PPM1H: variants seen among roughly 807,000 people sequenced by gnomAD.
PPM1H encodes protein phosphatase, Mg2+/Mn2+ dependent 1H.
PPM1H carries 27 observed loss-of-function variants against 54.9 expected under a neutral mutation model. The observed-to-expected ratio is 0.49, with a 90% confidence interval of 0.36 to 0.68. The LOEUF is 0.68. Ranked by LOEUF, PPM1H falls within the 30% of genes least tolerant of loss-of-function variation. The pLI is 0.00. For missense variants in PPM1H, 596 were observed against 667.8 expected (o/e 0.89, Z 1.19); for synonymous variants, 305 against 270.8 (o/e 1.13, Z -1.24).
chr12:62,683,084 A>ATTT (rs1045132161), intron 8 of PPM1H, among the ~76,000 whole-genome samples: 4 of 124,322 alleles, frequency 3.2e-5, no homozygotes, highest in East Asian at 2.3e-4. Flanking sequence ...TATTATTATT[A>ATTT]TTTTTGTAGA....
At chr12:62,696,720 C>T (rs1333192793) in intron 6 of PPM1H, among the ~76,000 whole-genome samples, 3 of 152,184 alleles carry the variant, frequency 2.0e-5, no homozygotes, top group African/African-American at 7.2e-5. Flanking sequence ...TCTGTGCTGA[C>T]TTATAGTATC....
chr12:62,710,831 G>C (rs943084975), intron 6 of PPM1H, among the ~76,000 whole-genome samples: 2 of 152,180 alleles, frequency 1.3e-5, no homozygotes, highest in African/African-American at 4.8e-5. Context: ...TTCAGCAACA[G>C]ACTGTAGACC....
chr12:62,920,894 C>T (rs1871775687), intron 1 of PPM1H, among the ~76,000 whole-genome samples: 1 of 152,116 alleles, frequency 6.6e-6, no homozygotes, highest in East Asian at 1.9e-4. Context: ...ACTCAATAAT[C>T]TATAGCATTT....
chr12:62,713,659 C>A (rs1183940965), intron 6 of PPM1H, among the ~76,000 whole-genome samples: 1 of 152,120 alleles, frequency 6.6e-6, no homozygotes, highest in East Asian at 1.9e-4. Context: ...TTATCAGTAC[C>A]CATCCCACCT....
At chr12:62,901,068 A>G (rs1157973778) in intron 1 of PPM1H, among the ~76,000 whole-genome samples, 1 of 152,214 alleles carries the variant, frequency 6.6e-6, no homozygotes, top group Middle Eastern at 3.2e-3. Context: ...ATCCGCCTCT[A>G]TTTCCATGTA....
intron 4 of PPM1H, among the ~76,000 whole-genome samples, chr12:62,763,646 A>C (rs1248848548): frequency 1.3e-5 from 2 of 152,342 alleles, no homozygotes; most frequent in African/African-American, 2.4e-5. Context: ...GTGACTCTAA[A>C]ACTTATTGCA....
chr12:62,659,269 C>CAAA lies in PPM1H; in HGVS notation c.1397+7906_1397+7908dup, dbSNP rs11349692. On this transcript the variant is annotated intron_variant, in intron 9 of 9. Transcript: ENST00000228705. ...GTGTTCTAAAAAACCGTAAAAACTG[C>CAAA]AAAAAAAAAAAAAAAAAAAAAAGAG... The CAAA allele has an allele frequency of 4.9e-3, 444 of 91,298 alleles. 2 individuals are homozygous for CAAA. The highest frequency in any genetic ancestry group is 6.4e-3 in the South Asian group (25 of 3,916). 5.7% of individuals were successfully genotyped at this position (91,298 alleles called of 1,614,324 possible). A position where few individuals can be genotyped will look rare whatever the true frequency, so the allele number is the denominator to read the frequency against.
At chr12:62,672,852 G>T (rs1321035180) in intron 8 of PPM1H, among the ~76,000 whole-genome samples, 3 of 152,118 alleles carry the variant, frequency 2.0e-5, no homozygotes, top group Non-Finnish European at 2.9e-5. Flanking sequence ...TCCTCTGTGG[G>T]TCTAGCAGCA....
intron 1 of PPM1H, among the ~76,000 whole-genome samples, chr12:62,918,653 T>C (rs1372326990): frequency 6.6e-6 from 1 of 152,216 alleles, no homozygotes; most frequent in African/African-American, 2.4e-5. Flanking sequence ...AGCAAAGATT[T>C]ACCTACAAGG....
At chr12:62,753,565 C>T (rs1386412973) in intron 4 of PPM1H, among the ~76,000 whole-genome samples, 1 of 152,236 alleles carries the variant, frequency 6.6e-6, no homozygotes, top group Non-Finnish European at 1.5e-5. Flanking sequence ...CAGTGGGCTT[C>T]ACTCTTGCAT....
intron 1 of PPM1H, among the ~76,000 whole-genome samples, chr12:62,872,462 T>C (rs1303933797): frequency 6.6e-6 from 1 of 152,242 alleles, no homozygotes; most frequent in Non-Finnish European, 1.5e-5. Context: ...ATGGCATTTT[T>C]TTCACTAAGA....
At chr12:62,679,568 A>G (rs2136626324) in intron 8 of PPM1H, among the ~76,000 whole-genome samples, 1 of 152,324 alleles carries the variant, frequency 6.6e-6, no homozygotes, top group Middle Eastern at 3.4e-3. Flanking sequence ...TCAAGAATGC[A>G]AAAGTAATTA....
intron 4 of PPM1H, among the ~76,000 whole-genome samples, chr12:62,786,858 A>C (rs2076674891): frequency 2.0e-5 from 3 of 152,236 alleles, no homozygotes; most frequent in Admixed American, 2.0e-4. Flanking sequence ...CATGTATTAC[A>C]CACTTCTCCA....
At position 62,759,209 on chromosome 12, in the gene PPM1H, G is replaced by A. The variant is rs117072472; in HGVS notation, c.870-21623C>T. On this transcript the variant is annotated intron_variant, in intron 4 of 9. Coordinates refer to ENST00000228705, the MANE Select transcript of PPM1H (RefSeq NM_020700.2). ...CACACGAACACGTGAGACATTTGGTGCCGAAGACTCGGGTAAGTGGGACTC... is the reference window on the plus strand; with the variant it reads ...CACACGAACACGTGAGACATTTGGTACCGAAGACTCGGGTAAGTGGGACTC... 2.0e-5 allele frequency among the ~76,000 whole-genome samples: 3 copies of A among 152,296 alleles called. No individual in the cohort carries two copies. The East Asian group carries it at 5.8e-4, about 29-fold the overall frequency.
At position 62,658,182 on chromosome 12, in the gene PPM1H, A is replaced by ATTTTTTTTTTTTT. The variant is rs1173229360; in HGVS notation, c.1397+8983_1397+8995dup. ...GAGACCAGCCTGGGTAACACGGTGA[A>ATTTTTTTTTTTTT]TTTTTTTTTTTTTTTTTTTTTTTTT... On this transcript the variant is annotated intron_variant, in intron 9 of 9. Transcript: ENST00000228705. Among the ~76,000 whole-genome samples the ATTTTTTTTTTTTT allele has an allele frequency of 4.3e-4, 38 of 87,530 alleles. 1 individual carries two copies. Among genetic ancestry groups the ATTTTTTTTTTTTT allele is most frequent in the African/African-American group, 1.6e-3 (35 of 22,350 alleles). 57.4% of individuals were successfully genotyped at this position (87,530 alleles called of 152,430 possible).
intron 1 of PPM1H, among the ~76,000 whole-genome samples, chr12:62,874,497 C>CT (rs1870093482): frequency 7.1e-6 from 1 of 141,164 alleles, no homozygotes; most frequent in African/African-American, 2.9e-5. Flanking sequence ...AGCCAGCTAC[C>CT]ATTTTTTTTT....
chr12:62,775,620 C>T (rs530632871), intron 4 of PPM1H, among the ~76,000 whole-genome samples: 1 of 151,924 alleles, frequency 6.6e-6, no homozygotes, highest in Non-Finnish European at 1.5e-5. Flanking sequence ...TGAGTGTGTA[C>T]ACACACACAC....
chr12:62,734,981 C>G (rs547779963), intron 5 of PPM1H, among the ~76,000 whole-genome samples: 1 of 152,208 alleles, frequency 6.6e-6, no homozygotes, highest in East Asian at 1.9e-4. Flanking sequence ...GAGGTTGAGG[C>G]CACAGTGAGC....
At chr12:62,731,569 G>A (rs981673625) in intron 5 of PPM1H, among the ~76,000 whole-genome samples, 37 of 152,156 alleles carry the variant, frequency 2.4e-4, no homozygotes, top group African/African-American at 8.9e-4. Flanking sequence ...AACCCGGCTC[G>A]GCGTTGAGAG....
Sources: gnomAD v4.1 joint callset for allele counts (sites outside exome capture counted in the v4.1 genomes callset) on GRCh38, gnomAD v4.1.1 for gene constraint, MANE v1.5 for transcripts, NCBI Gene and HGNC (gene_info 2026-07-23, HGNC 2026-07-21) for gene names.